Variants in CPXM2 observed in about 807,000 individuals in gnomAD.
CPXM2 encodes the protein carboxypeptidase X, M14 family member 2, also known as inactive carboxypeptidase-like protein X2.
Under a neutral mutation model 86.1 loss-of-function variants are expected in CPXM2, and 66 were observed. That is an observed-to-expected ratio of 0.77 (90% CI 0.63 to 0.94). The LOEUF (loss-of-function observed/expected upper bound fraction) is 0.94. Among genes scored for constraint, CPXM2 ranks in the 40% least tolerant of loss-of-function variants. The pLI is 0.00. For missense variants in CPXM2, 948 were observed against 1,026.3 expected (o/e 0.92, Z 1.04); for synonymous variants, 388 against 400.2 (o/e 0.97, Z 0.36).
chr10:123,907,519 C>T (rs1032812504), intron 2 of CPXM2, among the ~76,000 whole-genome samples: 1 of 152,116 alleles, frequency 6.6e-6, no homozygotes. Context: ...TCCCCCACCC[C>T]CACCCCAAGT....
chr10:123,770,879 A>G, intron 8 of CPXM2, 37 bp downstream of exon 8: 2 of 1,590,542 alleles, frequency 1.3e-6, no homozygotes, highest in African/African-American at 2.7e-5. Flanking sequence ...AGTACCAAAG[A>G]TGAAGGGGCC....
At chr10:123,900,072 C>T (rs561590174) in intron 2 of CPXM2, among the ~76,000 whole-genome samples, 12 of 152,302 alleles carry the variant, frequency 7.9e-5, no homozygotes, top group South Asian at 2.1e-4. Flanking sequence ...GACGGAGTCT[C>T]GCCCTGTCAC....
At chr10:123,808,607 A>G (rs760967113) in intron 4 of CPXM2, among the ~76,000 whole-genome samples, 2 of 152,198 alleles carry the variant, frequency 1.3e-5, no homozygotes, top group Non-Finnish European at 2.9e-5. Flanking sequence ...ACAGAAGCAC[A>G]CATGAATCCC....
At chr10:123,770,570 T>C (rs576111744) in intron 8 of CPXM2, among the ~76,000 whole-genome samples, 31 of 152,338 alleles carry the variant, frequency 2.0e-4, no homozygotes, top group African/African-American at 7.5e-4. Flanking sequence ...ATATGAGCCA[T>C]TAATGATCAG....
intron 4 of CPXM2, among the ~76,000 whole-genome samples, chr10:123,809,771 G>C (rs1024219104): frequency 6.6e-6 from 1 of 151,980 alleles, no homozygotes; most frequent in Non-Finnish European, 1.5e-5. Flanking sequence ...ATTTTGCTTA[G>C]TATACTTGGT....
At chr10:123,890,597 C>T (rs570592308) in intron 1 of CPXM2, among the ~76,000 whole-genome samples, 1 of 152,358 alleles carries the variant, frequency 6.6e-6, no homozygotes, top group South Asian at 2.1e-4. Flanking sequence ...AAGCAAAGAA[C>T]ATTTGGAACT....
chr10:123,750,839 G>T (rs1846056640), intron 13 of CPXM2: 2 of 985,418 alleles, frequency 2.0e-6, no homozygotes, highest in Non-Finnish European at 2.4e-6. Context: ...GGCCTGGCAG[G>T]GCACGCTGTC....
chr10:123,752,313 T>C (rs1846096718), intron 13 of CPXM2: 1 of 984,840 alleles, frequency 1.0e-6, no homozygotes, highest in Non-Finnish European at 1.2e-6. Flanking sequence ...TGGTATTCAG[T>C]GTGAAGCCTC....
At chr10:123,818,244 C>T (rs1847853076) in intron 4 of CPXM2, among the ~76,000 whole-genome samples, 1 of 152,124 alleles carries the variant, frequency 6.6e-6, no homozygotes, top group South Asian at 2.1e-4. Context: ...CTGTAATCGC[C>T]CAATGGGCCC....
At chr10:123,748,232 C>A (rs1172302323) in intron 13 of CPXM2, among the ~76,000 whole-genome samples, 1 of 152,118 alleles carries the variant, frequency 6.6e-6, no homozygotes, top group Non-Finnish European at 1.5e-5. Flanking sequence ...CAGTCTTTCG[C>A]TTGTGACAAT....
At chr10:123,893,754 CT>C (rs1425782783), upstream of CPXM2, among the ~76,000 whole-genome samples, 2 of 151,870 alleles carry the variant, frequency 1.3e-5, no homozygotes, top group African/African-American at 2.4e-5. Context: ...ACAACACAGT[CT>C]TTAGTGGTGA....
chr10:123,748,767 G>A (rs961179068), intron 13 of CPXM2, among the ~76,000 whole-genome samples: 2 of 152,080 alleles, frequency 1.3e-5, no homozygotes, highest in African/African-American at 4.8e-5. Flanking sequence ...GGTGACTCGA[G>A]CCTCGCAGCA....
rs543830506 is a variant in CPXM2 at position 123,915,696 on chromosome 10, T to A, written n.174+23781A>T. Among the ~76,000 whole-genome samples, 5 of 152,266 alleles carry A rather than the reference T, an allele frequency of 3.3e-5. No individual in the cohort carries two copies. The South Asian group carries it at 6.2e-4, about 19-fold the overall frequency. ...TTTCTTCCTGGTCAATGGCTCCTTA[T>A]GGACAGGTCTGTGATTGATCCACAC... On this transcript the variant is annotated intron_variant and non_coding_transcript_variant, in intron 2 of 19. Coordinates refer to the CPXM2 transcript ENST00000368854.
chr10:123,767,955 T>C (rs999060264), intron 9 of CPXM2, among the ~76,000 whole-genome samples: 1 of 152,240 alleles, frequency 6.6e-6, no homozygotes, highest in Non-Finnish European at 1.5e-5. Flanking sequence ...ATTGTGTATA[T>C]AGCAATATTG....
intron 2 of CPXM2, among the ~76,000 whole-genome samples, chr10:123,878,956 C>T (rs958823148): frequency 6.6e-6 from 1 of 152,256 alleles, no homozygotes; most frequent in African/African-American, 2.4e-5. Context: ...AAGCACCACA[C>T]TGTCAGGGTC....
intron 2 of CPXM2, among the ~76,000 whole-genome samples, chr10:123,902,859 A>G (rs888475257): frequency 6.6e-6 from 1 of 152,226 alleles, no homozygotes; most frequent in Non-Finnish European, 1.5e-5. Flanking sequence ...CTTCATGATG[A>G]TTGTCTTAGC....
At chr10:123,908,477 G>A (rs1005929889) in intron 2 of CPXM2, among the ~76,000 whole-genome samples, 1 of 152,148 alleles carries the variant, frequency 6.6e-6, no homozygotes, top group African/African-American at 2.4e-5. Context: ...GCCAGACCCC[G>A]GGCAGGTTCT....
intron 13 of CPXM2, chr10:123,750,920 T>C (rs892495056): frequency 1.0e-6 from 1 of 985,308 alleles, no homozygotes; most frequent in Non-Finnish European, 1.2e-6. Flanking sequence ...CTCTAACCAC[T>C]GGAAAAGTCT....
rs980346402 is a variant in CPXM2 at position 123,865,353 on chromosome 10, T to C, written c.404-2630A>G. ...ATGTCCTTGAAAGGCAAAGACAGAG[T>C]TACTGATCCGCCTGGGTTAGTGAGG... On this transcript the variant is annotated intron_variant, in intron 2 of 13. Transcript: ENST00000241305. This position sits in a 1 kb window ranked among gnomAD's most constrained non-coding sequence, Gnocchi z 4.7. Among the ~76,000 whole-genome samples, 1 of 151,776 alleles carries C rather than the reference T, an allele frequency of 6.6e-6. No homozygotes were observed. The highest frequency in any genetic ancestry group is 1.9e-4 in the East Asian group (1 of 5,178).
Sources: gnomAD v4.1 joint callset for allele counts (sites outside exome capture counted in the v4.1 genomes callset) on GRCh38, gnomAD v4.1.1 for gene constraint, Gnocchi (gnomAD v3.1) non-coding constraint, MANE v1.5 for transcripts, NCBI Gene and HGNC (gene_info 2026-07-23, HGNC 2026-07-21) for gene names.